Variants in RIMKLB observed in about 807,000 individuals in gnomAD.
RIMKLB encodes the protein beta-citrylglutamate synthase B.
RIMKLB carries 7 observed loss-of-function variants against 32.0 expected under a neutral mutation model. That is an observed-to-expected ratio of 0.22 (90% CI 0.12 to 0.41). The LOEUF (loss-of-function observed/expected upper bound fraction) is 0.41, where lower values mean the gene tolerates loss of function less well. Ranked by LOEUF, RIMKLB falls within the 10% of genes least tolerant of loss-of-function variation. The pLI, the probability that RIMKLB is intolerant of heterozygous loss-of-function variation, is 1.00. For missense variants in RIMKLB, 289 were observed against 498.7 expected (o/e 0.58, Z 4.00); for synonymous variants, 172 against 185.1 (o/e 0.93, Z 0.57).
chr12:8,782,920 G>C (rs1317081726), exon 8 of RIMKLB: 4 of 152,024 alleles, frequency 2.6e-5, no homozygotes, highest in Admixed American at 2.6e-4. Flanking sequence ...AGGTTCTTTT[G>C]AAGTAACCAG....
At chr12:8,684,578 T>C (rs1168287930) in intron 1 of RIMKLB, among the ~76,000 whole-genome samples, 2 of 152,224 alleles carry the variant, frequency 1.3e-5, no homozygotes, top group Non-Finnish European at 2.9e-5. Context: ...AAGGTCTGTG[T>C]CTACTGTGTA....
intron 4 of RIMKLB, among the ~76,000 whole-genome samples, 176 bp from the exon 5 acceptor site, chr12:8,753,714 G>T (rs144656130): frequency 2.0e-5 from 3 of 151,954 alleles, no homozygotes; most frequent in African/African-American, 7.2e-5. Context: ...TATTTACCTT[G>T]TCTTTATATA....
At chr12:8,725,553 G>A (rs1400930924) in intron 2 of RIMKLB, among the ~76,000 whole-genome samples, 1 of 152,164 alleles carries the variant, frequency 6.6e-6, no homozygotes, top group South Asian at 2.1e-4. Flanking sequence ...TCTTCCCAAA[G>A]TCTGCCCCGG....
At chr12:8,699,426 G>T (rs1459671554) in intron 1 of RIMKLB, among the ~76,000 whole-genome samples, 1 of 152,086 alleles carries the variant, frequency 6.6e-6, no homozygotes, top group Non-Finnish European at 1.5e-5. Context: ...TTTCTTAAAA[G>T]CAATTATGAG....
At chr12:8,669,952 G>A in the RIMKLB span, among the ~76,000 whole-genome samples, 15 of 150,666 alleles carry the variant, frequency 1.0e-4, no homozygotes, top group South Asian at 2.1e-4. Context: ...GTGCGAACCC[G>A]GGAGGTGGAG....
chr12:8,682,836 C>T (rs1263765707), intron 1 of RIMKLB, among the ~76,000 whole-genome samples: 5 of 149,674 alleles, frequency 3.3e-5, no homozygotes, highest in Admixed American at 1.3e-4. Context: ...GAGGTTTCTC[C>T]ATGTTGGTCA....
At position 8,777,186 on chromosome 12, in the gene RIMKLB, A is replaced by G; in HGVS notation, c.*3402A>G. 1 of 962,900 alleles carries G rather than the reference A, an allele frequency of 1.0e-6. No individual in the cohort carries two copies. Among genetic ancestry groups the G allele is most frequent in the Non-Finnish European group, 1.2e-6 (1 of 814,164 alleles). 59.6% of individuals were successfully genotyped at this position (962,900 alleles called of 1,614,324 possible). A position where few individuals can be genotyped will look rare whatever the true frequency, so the allele number is the denominator to read the frequency against. ...AATGTAATATATTGCAGGATTTATA[A>G]CCAGGTTCACTGACTGCTTGCTTGC... is the stretch of plus-strand genomic sequence containing the variant. On this transcript the variant is annotated 3_prime_UTR_variant, in exon 6 of 6. Coordinates refer to ENST00000535829, the MANE Select transcript of RIMKLB (RefSeq NM_001297776.2).
At chr12:8,768,976 A>G (rs1464636884) in intron 5 of RIMKLB, among the ~76,000 whole-genome samples, 1 of 152,108 alleles carries the variant, frequency 6.6e-6, no homozygotes, top group Non-Finnish European at 1.5e-5. Flanking sequence ...TGTTTTCATT[A>G]TATCTCTCTT....
chr12:8,712,651 T>C (rs1309471672), intron 1 of RIMKLB, among the ~76,000 whole-genome samples: 1 of 152,106 alleles, frequency 6.6e-6, no homozygotes, highest in Admixed American at 6.6e-5. Context: ...AGACATGGCA[T>C]TTCAAGGTGC....
At chr12:8,780,177 C>T (rs1420783934), downstream of RIMKLB, 1 of 152,180 alleles carries the variant, frequency 6.6e-6, no homozygotes, top group Non-Finnish European at 1.5e-5. Context: ...GCTGCATCTT[C>T]CACAGTTCTT....
At chr12:8,759,675 C>T (rs746040407) in intron 5 of RIMKLB, among the ~76,000 whole-genome samples, 23 of 152,026 alleles carry the variant, frequency 1.5e-4, no homozygotes, top group Non-Finnish European at 2.1e-4. Flanking sequence ...CCAATATGTC[C>T]GCCCCAGATC....
At chr12:8,697,707 C>T, upstream of RIMKLB, 1 of 292,660 alleles carries the variant, frequency 3.4e-6, no homozygotes, top group South Asian at 2.4e-5. Flanking sequence ...CGCGATCCAT[C>T]GCCTCTCTTC....
Position 8,770,144 on chromosome 12 carries a change from G to A in RIMKLB, c.698-3177G>A, listed in dbSNP as rs935505701. The stretch of plus-strand genomic sequence containing the variant: ...CACCCAGCTAATTTTTGTATTTTTA[G>A]TAGAGACGGGGTTTCACCATGTTTG... On this transcript the variant is annotated intron_variant, in intron 5 of 5. Coordinates refer to ENST00000535829, the MANE Select transcript of RIMKLB (RefSeq NM_001297776.2). Among the ~76,000 whole-genome samples the A allele has an allele frequency of 3.3e-5, 5 of 152,234 alleles. No individual in the cohort carries two copies. In the East Asian group the frequency reaches 7.7e-4, roughly 23 times the overall value.
chr12:8,692,624 G>C (rs1942764344), upstream of RIMKLB, among the ~76,000 whole-genome samples: 1 of 152,186 alleles, frequency 6.6e-6, no homozygotes, highest in Non-Finnish European at 1.5e-5. Flanking sequence ...TTTCTCTTCT[G>C]TGATTCAGCC....
chr12:8,716,460 A>T (rs1246836838), intron 2 of RIMKLB, among the ~76,000 whole-genome samples: 4 of 128,500 alleles, frequency 3.1e-5, no homozygotes, highest in South Asian at 2.4e-4. Context: ...TTTTTAATTC[A>T]CAAGAGCCAG....
At chr12:8,721,745 GTTT>G (rs1945459151) in intron 2 of RIMKLB, among the ~76,000 whole-genome samples, 1 of 151,768 alleles carries the variant, frequency 6.6e-6, no homozygotes, top group South Asian at 2.1e-4. Context: ...AGTGTTTTTT[GTTT>G]TTTGTTTTTT....
At chr12:8,730,344 TCC>T (rs1294679375) in intron 2 of RIMKLB, among the ~76,000 whole-genome samples, 1 of 152,224 alleles carries the variant, frequency 6.6e-6, no homozygotes, top group Non-Finnish European at 1.5e-5. Context: ...TGCCTCAGCC[TCC>T]CAAAGTGCTG....
At position 8,734,750 on chromosome 12, in the gene RIMKLB, A is replaced by G. The variant is rs1477513921; in HGVS notation, c.176-15112A>G. ...TTTTATTAACTAATTCAACACAGGA[A>G]GTAGGAAGGGGTTAACTTGTATTCC... On this transcript the variant is annotated intron_variant, in intron 2 of 5. Transcript: ENST00000535829. 2.6e-5 allele frequency among the ~76,000 whole-genome samples: 4 copies of G among 152,144 alleles called. No homozygotes were observed. In the East Asian group the frequency reaches 7.7e-4, roughly 29 times the overall value.
chr12:8,740,870 C>T (rs945768571), intron 2 of RIMKLB, among the ~76,000 whole-genome samples: 1 of 152,056 alleles, frequency 6.6e-6, no homozygotes, highest in Non-Finnish European at 1.5e-5. Context: ...GTCAGGAGTT[C>T]AAGACCAGCC....
Sources: allele counts gnomAD v4.1 joint callset (sites outside exome capture counted in the v4.1 genomes callset), GRCh38; gene constraint gnomAD v4.1.1; transcripts MANE v1.5; gene names NCBI Gene and HGNC (gene_info 2026-07-23, HGNC 2026-07-21).